The following STXBP4 variants were observed in gnomAD, a reference collection of about 807,000 sequenced individuals.
STXBP4 encodes syntaxin binding protein 4.
STXBP4 carries 55 observed loss-of-function variants against 76.1 expected under a neutral mutation model. That is an observed-to-expected ratio of 0.72 (90% confidence interval 0.58 to 0.91). The LOEUF (loss-of-function observed/expected upper bound fraction) is 0.91. Ranked by LOEUF, STXBP4 falls within the 40% of genes least tolerant of loss-of-function variation. The pLI is 0.00. For missense variants in STXBP4, 618 were observed against 636.9 expected (o/e 0.97, Z 0.32); for synonymous variants, 201 against 220.2 (o/e 0.91, Z 0.77).
chr17:55,106,136 G>T (rs1412711757), intron 16 of STXBP4, among the ~76,000 whole-genome samples: 1 of 152,110 alleles, frequency 6.6e-6, no homozygotes, highest in Admixed American at 6.5e-5. Context: ...GAGTCTGGGT[G>T]CTCCTGTATT....
intron 8 of STXBP4, among the ~76,000 whole-genome samples, chr17:55,013,469 A>G (rs1483307195): frequency 1.3e-5 from 2 of 152,228 alleles, no homozygotes; most frequent in Admixed American, 6.5e-5. Flanking sequence ...CTGTTATGCC[A>G]AGGAACTCTC....
At chr17:54,990,638 C>T (rs1649894098) in intron 3 of STXBP4, among the ~76,000 whole-genome samples, 187 bp from the exon 4 acceptor site, 2 of 152,138 alleles carry the variant, frequency 1.3e-5, no homozygotes, top group African/African-American at 4.8e-5. Flanking sequence ...ACCATCACCC[C>T]TCTGCAACCC....
chr17:55,072,747 A>G (rs2144873107), intron 12 of STXBP4, among the ~76,000 whole-genome samples, 153 bp from the exon 13 acceptor site: 1 of 152,360 alleles, frequency 6.6e-6, no homozygotes, highest in Non-Finnish European at 1.5e-5. Context: ...ATAATAAAAT[A>G]ACATAACTAT....
chr17:54,990,825 G>T lies in STXBP4; in HGVS notation c.48G>T (p.Lys16Asn), dbSNP rs1445120718. ...TGTGTGCTAATTTACTTTATCTTAG[G>T]GATCCTGCCTTTCAGATGATTACAA... ...STVVSPSLLE[K>N]DPAFQMITIA... is the part of the protein sequence containing the mutation. Residue 16 changes from lysine (K) to asparagine (N), a missense_variant and splice_region_variant, in exon 4 of 18, where the codon AAG becomes AAT. Coordinates refer to ENST00000376352, the MANE Select transcript of STXBP4 (RefSeq NM_178509.6). The T allele has an allele frequency of 6.3e-7, 1 of 1,598,204 alleles. No individual in the cohort carries two copies. Among genetic ancestry groups the T allele is most frequent in the East Asian group, 2.3e-5 (1 of 44,180 alleles).
At chr17:55,059,507 A>G (rs1229998662) in intron 12 of STXBP4, among the ~76,000 whole-genome samples, 2 of 152,140 alleles carry the variant, frequency 1.3e-5, no homozygotes, top group Non-Finnish European at 2.9e-5. Flanking sequence ...TAAATACAAA[A>G]TAATTATAAT....
chr17:55,028,764 A>G (rs546433759), intron 8 of STXBP4, among the ~76,000 whole-genome samples: 1 of 152,316 alleles, frequency 6.6e-6, no homozygotes, highest in South Asian at 2.1e-4. Flanking sequence ...GGGGAATTCA[A>G]ATTAACAAAC....
chr17:55,099,348 C>T (rs1319307376), intron 16 of STXBP4, among the ~76,000 whole-genome samples: 1 of 152,138 alleles, frequency 6.6e-6, no homozygotes, highest in Non-Finnish European at 1.5e-5. Context: ...TCTGAGAATA[C>T]ATCATTAGGC....
At chr17:55,122,982 C>T (rs1380205998) in intron 16 of STXBP4, among the ~76,000 whole-genome samples, 1 of 152,072 alleles carries the variant, frequency 6.6e-6, no homozygotes, top group African/African-American at 2.4e-5. Flanking sequence ...AGAGATTTTG[C>T]TAATTCCTCC....
chr17:54,989,275 T>C (rs2077677533), intron 3 of STXBP4, among the ~76,000 whole-genome samples: 2 of 152,172 alleles, frequency 1.3e-5, no homozygotes, highest in African/African-American at 2.4e-5. Context: ...GCCTGGCTAA[T>C]TTTTTGTATT....
intron 16 of STXBP4, among the ~76,000 whole-genome samples, chr17:55,090,722 G>A (rs1486354319): frequency 6.6e-6 from 1 of 151,978 alleles, no homozygotes; most frequent in Non-Finnish European, 1.5e-5. Flanking sequence ...CACAAATAAA[G>A]CCAGGAAATA....
chr17:54,976,496 C>T (rs1307282713), intron 1 of STXBP4, among the ~76,000 whole-genome samples: 1 of 152,212 alleles, frequency 6.6e-6, no homozygotes, highest in African/African-American at 2.4e-5. Context: ...CTTACCAGAT[C>T]ATTGCATCTG....
At chr17:55,024,562 A>G (rs1598221925) in intron 8 of STXBP4, among the ~76,000 whole-genome samples, 1 of 152,224 alleles carries the variant, frequency 6.6e-6, no homozygotes, top group East Asian at 1.9e-4. Flanking sequence ...TAACATTAGC[A>G]AGGAGAAAAT....
At chr17:55,181,309 T>C in the STXBP4 span, among the ~76,000 whole-genome samples, 84 of 152,358 alleles carry the variant, frequency 5.5e-4, no homozygotes, top group African/African-American at 1.9e-3. Context: ...GGTACAAATT[T>C]TTTAAATAAA....
downstream of STXBP4, among the ~76,000 whole-genome samples, chr17:55,176,888 T>G (rs2080433183): frequency 6.6e-6 from 1 of 152,130 alleles, no homozygotes; most frequent in African/African-American, 2.4e-5. Flanking sequence ...TTCCTGGTTT[T>G]GGGGCCTTGA....
chr17:55,120,426 G>C (rs2079831063), intron 16 of STXBP4, among the ~76,000 whole-genome samples: 1 of 152,198 alleles, frequency 6.6e-6, no homozygotes, highest in Non-Finnish European at 1.5e-5. Context: ...TTAGGAGGCA[G>C]CTTCCTGCCA....
intron 16 of STXBP4, among the ~76,000 whole-genome samples, chr17:55,119,062 C>T (rs760834033): frequency 6.6e-6 from 1 of 151,612 alleles, no homozygotes; most frequent in Admixed American, 6.6e-5. Flanking sequence ...CCCATTAACT[C>T]GTCATTTACA....
chr17:55,111,199 T>TG (rs1446455279), intron 16 of STXBP4, among the ~76,000 whole-genome samples: 1 of 152,162 alleles, frequency 6.6e-6, no homozygotes, highest in African/African-American at 2.4e-5. Flanking sequence ...GTCACTCCCC[T>TG]GGTCAAAACT....
chr17:55,140,439 C>T (rs1365896058), intron 16 of STXBP4, among the ~76,000 whole-genome samples: 1 of 152,022 alleles, frequency 6.6e-6, no homozygotes, highest in Non-Finnish European at 1.5e-5. Context: ...CTACCTGAGT[C>T]GTGATAAGCC....
At chr17:55,152,873 G>T (rs2080231706) in intron 17 of STXBP4, among the ~76,000 whole-genome samples, 1 of 152,076 alleles carries the variant, frequency 6.6e-6, no homozygotes, top group Admixed American at 6.6e-5. Flanking sequence ...TATAATCAAT[G>T]AACTAGTCAA....
Sources: allele counts gnomAD v4.1 joint callset (sites outside exome capture counted in the v4.1 genomes callset), GRCh38; gene constraint gnomAD v4.1.1; transcripts MANE v1.5; gene names NCBI Gene and HGNC (gene_info 2026-07-23, HGNC 2026-07-21).